LMAN2L: variants seen among roughly 807,000 people sequenced by gnomAD.
LMAN2L encodes lectin, mannose binding 2 like, also known as VIP36-like protein.
A neutral mutation model predicts 44.3 loss-of-function variants in LMAN2L; 30 were observed. That is an observed-to-expected ratio of 0.68 (90% CI 0.51 to 0.92). The LOEUF (loss-of-function observed/expected upper bound fraction) is 0.92, where lower values mean the gene tolerates loss of function less well. Ranked by LOEUF, LMAN2L falls within the 40% of genes least tolerant of loss-of-function variation. The pLI, the probability that LMAN2L is intolerant of heterozygous loss-of-function variation, is 0.00. For missense variants in LMAN2L, 429 were observed against 446.1 expected, an observed-to-expected ratio of 0.96 and a Z score of 0.35; for synonymous variants, 183 against 171.1, an observed-to-expected ratio of 1.07 and a Z score of -0.54.
At chr2:96,724,802 AAGCTC>A (rs2078232891) in intron 4 of LMAN2L, among the ~76,000 whole-genome samples, 1 of 151,200 alleles carries the variant, frequency 6.6e-6, no homozygotes, top group African/African-American at 2.4e-5. Context: ...GCACACTGCG[AAGCTC>A]AGCTAATTTT....
intron 4 of LMAN2L, 54 bp downstream of exon 4, chr2:96,733,465 G>A (rs2078448197): frequency 7.5e-7 from 1 of 1,327,552 alleles, no homozygotes; most frequent in Non-Finnish European, 1.1e-6. Context: ...CATTCCTGAG[G>A]CAAAGAACTG....
chr2:96,734,742 C>T, intron 2 of LMAN2L: 1 of 548,980 alleles, frequency 1.8e-6, no homozygotes. Flanking sequence ...ATGAATAAAC[C>T]TCCCGATTAT....
intron 4 of LMAN2L, among the ~76,000 whole-genome samples, chr2:96,730,409 C>A (rs1210908996): frequency 6.6e-6 from 1 of 152,106 alleles, no homozygotes; most frequent in Non-Finnish European, 1.5e-5. Flanking sequence ...AACTTGGCCC[C>A]AAGTGGTATA....
chr2:96,718,275 A>C (rs2078082039), intron 4 of LMAN2L, among the ~76,000 whole-genome samples: 1 of 152,196 alleles, frequency 6.6e-6, no homozygotes, highest in African/African-American at 2.4e-5. Flanking sequence ...CTTATAACTT[A>C]ATCATAAGCA....
At chr2:96,712,509 C>T (rs949424537) in intron 4 of LMAN2L, among the ~76,000 whole-genome samples, 1 of 152,198 alleles carries the variant, frequency 6.6e-6, no homozygotes, top group Admixed American at 6.5e-5. Flanking sequence ...CTGAAAATAC[C>T]TGTTTGAGCA....
At chr2:96,734,620 T>C (rs2078476477) in intron 2 of LMAN2L, 94 bp from the exon 3 acceptor site, 1 of 798,906 alleles carries the variant, frequency 1.3e-6, no homozygotes, top group African/African-American at 1.7e-5. Context: ...AAAACACAAA[T>C]GCAGGTAACA....
intron 4 of LMAN2L, among the ~76,000 whole-genome samples, chr2:96,723,159 A>G (rs2078195342): frequency 6.6e-6 from 1 of 152,218 alleles, no homozygotes; most frequent in African/African-American, 2.4e-5. Flanking sequence ...ACCATTTTAC[A>G]TTCCCACCAG....
intron 6 of LMAN2L, among the ~76,000 whole-genome samples, chr2:96,709,990 TAGTCATATAATGAGA>T (rs2077877893): frequency 6.6e-6 from 1 of 152,222 alleles, no homozygotes; most frequent in African/African-American, 2.4e-5. Context: ...GGAAAATGTG[TAGTCATATAATGAGA>T]TTATATAGCA....
chr2:96,707,125 CCA>C lies in LMAN2L; in HGVS notation c.*129_*130del. On this transcript the variant is annotated 3_prime_UTR_variant, in exon 8 of 8. Coordinates refer to ENST00000264963, the MANE Select transcript of LMAN2L (RefSeq NM_030805.4). ...ATGCGGGGTCCCTGCATTCAAAACT[CCA>C]GTGACAGAATATAGTCCCCAACCAG... 1 of 868,782 alleles carries C rather than the reference CCA, an allele frequency of 1.2e-6. No individual in the cohort carries two copies. Among genetic ancestry groups the C allele is most frequent in the Non-Finnish European group, 1.7e-6 (1 of 577,554 alleles). The allele number at this position is 868,782 out of a possible 1,614,324, so 53.8% of individuals were successfully genotyped here.
At chr2:96,726,612 G>A (rs1206466120) in intron 4 of LMAN2L, among the ~76,000 whole-genome samples, 9 of 151,718 alleles carry the variant, frequency 5.9e-5, no homozygotes, top group African/African-American at 1.7e-4. Flanking sequence ...GCAAACTCCC[G>A]TCACTACTAA....
intron 4 of LMAN2L, among the ~76,000 whole-genome samples, chr2:96,730,746 C>T (rs1308245701): frequency 2.0e-5 from 3 of 152,160 alleles, no homozygotes; most frequent in South Asian, 2.1e-4. Flanking sequence ...GATCTCAGCT[C>T]ACACTGCAAC....
intron 4 of LMAN2L, among the ~76,000 whole-genome samples, chr2:96,724,130 T>C (rs35069910): frequency 0.051 from 7,731 of 151,986 alleles, 656 homozygotes; most frequent in African/African-American, 0.18. Context: ...AGAAAATTAA[T>C]TGATTAAATG....
chr2:96,711,505 T>C, intron 6 of LMAN2L, 151 bp downstream of exon 6: 1 of 606,536 alleles, frequency 1.6e-6, no homozygotes, highest in Admixed American at 3.0e-5. Flanking sequence ...TTAAGGAATG[T>C]GGATATAAGA....
At chr2:96,708,517 G>A (rs371255306) in intron 6 of LMAN2L, among the ~76,000 whole-genome samples, 1 of 152,146 alleles carries the variant, frequency 6.6e-6, no homozygotes, top group East Asian at 1.9e-4. Context: ...ATGTCAAGAC[G>A]CATCTGTATA....
Position 96,711,965 on chromosome 2 carries a change from G to A in LMAN2L, c.568C>T (p.Arg190Trp), listed in dbSNP as rs149461143. Residue 190 changes from arginine (R) to tryptophan (W), a missense_variant, in exon 5 of 8, where the codon CGG becomes TGG. Transcript: ENST00000264963. ...CCCAGCTCTGTAGGCCGCCCATCCC[G>A]CTCATGATCATAGCTGAGGGAGCCG... ...NNGSLSYDHERDGRPTELGGC... is the reference protein window; with the variant it reads ...NNGSLSYDHEWDGRPTELGGC... 1.5e-5 allele frequency: 25 copies of A among 1,614,024 alleles called. No individual in the cohort carries two copies. Among genetic ancestry groups the A allele is most frequent in the African/African-American group, 1.1e-4 (8 of 74,918 alleles).
At chr2:96,720,319 T>C (rs2078124079) in intron 4 of LMAN2L, among the ~76,000 whole-genome samples, 1 of 152,178 alleles carries the variant, frequency 6.6e-6, no homozygotes, top group Admixed American at 6.6e-5. Flanking sequence ...CCTCTTCTCA[T>C]TCATTACGCT....
intron 4 of LMAN2L, among the ~76,000 whole-genome samples, chr2:96,715,555 C>T (rs2078023734): frequency 6.6e-6 from 1 of 152,204 alleles, no homozygotes; most frequent in South Asian, 2.1e-4. Context: ...CTGGTTCAGG[C>T]AAGGTGGTAG....
chr2:96,717,586 C>T (rs979130411), intron 4 of LMAN2L, among the ~76,000 whole-genome samples: 2 of 150,344 alleles, frequency 1.3e-5, no homozygotes, highest in Non-Finnish European at 3.0e-5. Context: ...ACACCTGTAA[C>T]CCCAGCACTT....
chr2:96,738,505 C>A (rs996213922), intron 1 of LMAN2L, among the ~76,000 whole-genome samples: 32 of 151,952 alleles, frequency 2.1e-4, no homozygotes, highest in African/African-American at 7.5e-4. Context: ...ATAGAAAGAC[C>A]CTGTCTTTAC....
Sources: allele counts gnomAD v4.1 joint callset (sites outside exome capture counted in the v4.1 genomes callset), GRCh38; gene constraint gnomAD v4.1.1; transcripts MANE v1.5; gene names NCBI Gene and HGNC (gene_info 2026-07-23, HGNC 2026-07-21).